Variants in ARHGEF10L observed in about 807,000 individuals in gnomAD.
ARHGEF10L encodes the protein Rho guanine nucleotide exchange factor 10 like, also known as rho guanine nucleotide exchange factor 10-like protein.
ARHGEF10L carries 69 observed loss-of-function variants against 141.2 expected under a neutral mutation model. The observed-to-expected ratio is 0.49, with a 90% CI of 0.40 to 0.60. The LOEUF (loss-of-function observed/expected upper bound fraction) is 0.60. Among genes scored for constraint, ARHGEF10L ranks in the 20% least tolerant of loss-of-function variants. The pLI, the probability that ARHGEF10L is intolerant of heterozygous loss-of-function variation, is 0.00. For synonymous variants in ARHGEF10L, 711 were observed against 718.5 expected (o/e 0.99, Z 0.17); for missense variants, 1,482 against 1,734.3 (o/e 0.85, Z 2.58).
intron 27 of ARHGEF10L, among the ~76,000 whole-genome samples, chr1:17,689,485 T>TCCCTCTCTCCCTCCCTGCCTCCCTCC (rs1314553452): frequency 1.3e-3 from 1 of 776 alleles, no homozygotes; most frequent in African/African-American, 7.1e-3. Context: ...CTCCTTCCCC[T>TCCCTCTCTCCCTCCCTGCCTCCCTCC]ACCTCCCTCT....
At chr1:17,689,331 G>A (rs1206832955) in intron 27 of ARHGEF10L, among the ~76,000 whole-genome samples, 2 of 151,872 alleles carry the variant, frequency 1.3e-5, no homozygotes, top group African/African-American at 4.8e-5. Context: ...CTGGTGGGCT[G>A]GGAAGGTGGC....
chr1:17,696,820 C>G (rs774206561), intron 28 of ARHGEF10L, 28 bp from the exon 29 acceptor site: 2 of 1,514,374 alleles, frequency 1.3e-6, no homozygotes, highest in Non-Finnish European at 1.8e-6. Context: ...CCTTTGGGCC[C>G]CTTTCTCTCT....
chr1:17,607,950 C>T lies in ARHGEF10L; in HGVS notation c.582C>T (p.Ala194=). Residue 194 remains alanine, a synonymous_variant, in exon 7 of 29, where the codon GCC becomes GCT. Transcript: ENST00000361221. This position sits in a 1 kb window ranked among gnomAD's most constrained non-coding sequence, Gnocchi z 4.5. ...AGCCGGAGGTCGAGGTCGAGCCCGCCAAGCACCGAGTGTCCTTCCAGCCCA... is the reference window on the plus strand; with the variant it reads ...AGCCGGAGGTCGAGGTCGAGCCCGCTAAGCACCGAGTGTCCTTCCAGCCCA... ...EAKPEVEVEP[A]KHRVSFQPKL... is the part of the protein sequence containing the mutation. The T allele has an allele frequency of 6.8e-7, 1 of 1,468,544 alleles. No individual in the cohort carries two copies. Among genetic ancestry groups the T allele is most frequent in the South Asian group, 1.3e-5 (1 of 75,136 alleles). 91.0% of individuals were successfully genotyped at this position (1,468,544 alleles called of 1,614,324 possible).
intron 25 of ARHGEF10L, among the ~76,000 whole-genome samples, chr1:17,662,707 G>A (rs2062706644): frequency 6.6e-6 from 1 of 152,060 alleles, no homozygotes; most frequent in African/African-American, 2.4e-5. Flanking sequence ...AGGATGGGGA[G>A]GGGGTGGGAG....
chr1:17,580,808 A>C (rs1291360734), intron 2 of ARHGEF10L, among the ~76,000 whole-genome samples, 176 bp downstream of exon 2: 2 of 152,172 alleles, frequency 1.3e-5, no homozygotes, highest in African/African-American at 2.4e-5. Flanking sequence ...ACAAAATAGA[A>C]GTAACTTTCT....
At chr1:17,693,903 G>A (rs2065290323) in intron 27 of ARHGEF10L, 1 of 152,234 alleles carries the variant, frequency 6.6e-6, no homozygotes, top group African/African-American at 2.4e-5. Flanking sequence ...TGAAGCCTAA[G>A]GAAGTGTGGC....
chr1:17,530,948 T>C, the ARHGEF10L span, among the ~76,000 whole-genome samples: 2 of 151,264 alleles, frequency 1.3e-5, no homozygotes, highest in Admixed American at 6.6e-5. Flanking sequence ...GAGGTTGCAA[T>C]GAGCCGAGAT....
At chr1:17,586,070 G>A (rs1340729617) in intron 2 of ARHGEF10L, among the ~76,000 whole-genome samples, 1 of 152,168 alleles carries the variant, frequency 6.6e-6, no homozygotes, top group East Asian at 1.9e-4. Flanking sequence ...GGGCCTGTAG[G>A]GTGTAGAAGC....
chr1:17,559,727 A>T (rs912477095), intron 1 of ARHGEF10L, among the ~76,000 whole-genome samples: 6 of 152,240 alleles, frequency 3.9e-5, no homozygotes, highest in Non-Finnish European at 7.4e-5. Context: ...AAGGAAAGGG[A>T]CCGTCATGTG....
intron 1 of ARHGEF10L, among the ~76,000 whole-genome samples, chr1:17,567,067 G>A (rs530985776): frequency 4.5e-4 from 69 of 152,224 alleles, no homozygotes; most frequent in Non-Finnish European, 7.2e-4. Flanking sequence ...GTGTCCCCGT[G>A]TCCCTGTCCT....
chr1:17,697,735 T>C lies in ARHGEF10L; in HGVS notation c.*355T>C. ...CTGGAAGGGTGTGTGCGTGTGAGTG[T>C]GTGCGAGTGTGTGGGCTGGTGTGTG... On this transcript the variant is annotated 3_prime_UTR_variant, in exon 29 of 29. Coordinates refer to ENST00000361221, the MANE Select transcript of ARHGEF10L (RefSeq NM_018125.4). This position sits in a 1 kb window ranked among gnomAD's most constrained non-coding sequence, Gnocchi z 4.8. 2 of 494,796 alleles carry C rather than the reference T, an allele frequency of 4.0e-6. No homozygotes were observed. Among genetic ancestry groups the C allele is most frequent in the Non-Finnish European group, 7.9e-6 (2 of 253,816 alleles). 30.7% of individuals were successfully genotyped at this position (494,796 alleles called of 1,614,324 possible). A position where few individuals can be genotyped will look rare whatever the true frequency, so the allele number is the denominator to read the frequency against.
rs185941576 is a variant in ARHGEF10L, at chr1:17,599,862, A to G, written c.258-2265A>G. Among the ~76,000 whole-genome samples the G allele has an allele frequency of 1.9e-3, 283 of 152,326 alleles. 3 individuals carry two copies. The highest frequency in any genetic ancestry group is 6.6e-3 in the African/African-American group (274 of 41,570). On this transcript the variant is annotated intron_variant, in intron 4 of 28. Transcript: ENST00000361221. ...CAGTGGCCACTAGTCATGTGTAGCT[A>G]TTTAAAATTAAATTACTTGAAATCA...
chr1:17,655,888 G>C lies in ARHGEF10L; in HGVS notation c.2491G>C (p.Gly831Arg), dbSNP rs1013769138. The C allele has an allele frequency of 6.4e-7, 1 of 1,554,168 alleles. No homozygotes were observed. Among genetic ancestry groups the C allele is most frequent in the African/African-American group, 1.4e-5 (1 of 73,642 alleles). ...GGGTCTCTGCTCCCAGGTCGGGGGC[G>C]GACAGGAAGGCGCAGGGGGCCAGGT... ...LPQGYLWVGG[G>R]QEGAGGQVEI... The change falls in exon 24 of 29, where the codon GGA becomes CGA. Residue 831 changes from glycine to arginine, a missense_variant. Coordinates refer to ENST00000361221, the MANE Select transcript of ARHGEF10L (RefSeq NM_018125.4).
chr1:17,673,708 G>T lies in ARHGEF10L; in HGVS notation c.3009+9113G>T, dbSNP rs1360776688. Among the ~76,000 whole-genome samples the T allele has an allele frequency of 6.6e-6, 1 of 152,178 alleles. No homozygotes were observed. Among genetic ancestry groups the T allele is most frequent in the Non-Finnish European group, 1.5e-5 (1 of 68,030 alleles). ...ATGCCTTGTCTGAGTGGGCTTGGAT[G>T]GTGGTCAGTGTGGGCTCAGGGGCTG... On this transcript the variant is annotated intron_variant, in intron 26 of 28. Coordinates refer to ENST00000361221, the MANE Select transcript of ARHGEF10L (RefSeq NM_018125.4). The surrounding 1 kb of genome is among the most constrained non-coding windows in gnomAD (Gnocchi z 4.1).
In ARHGEF10L at chr1:17,664,487, G is replaced by A; in HGVS notation, c.2901G>A (p.Leu967=). Residue 967 remains leucine (L), a synonymous_variant, in exon 26 of 29, where the codon CTG becomes CTA. Transcript: ENST00000361221. ...LWDLESPPVC[L]TVGPGPVRTL... is the part of the protein sequence containing the mutation. ...ACCTGGAGAGCCCTCCCGTGTGCCT[G>A]ACTGTGGGGCCCGGGCCTGTCCGCA... 1 of 1,607,222 alleles carries A rather than the reference G, an allele frequency of 6.2e-7. No individual in the cohort carries two copies. The highest frequency in any genetic ancestry group is 8.5e-7 in the Non-Finnish European group (1 of 1,179,822).
chr1:17,533,754 T>A, the ARHGEF10L span, among the ~76,000 whole-genome samples: 442 of 152,296 alleles, frequency 2.9e-3, 5 homozygotes, highest in African/African-American at 0.01. Flanking sequence ...AAGGAGGGTT[T>A]CATCTTGATG....
At position 17,627,466 on chromosome 1, in the gene ARHGEF10L, T is replaced by C. The variant is rs754179355; in HGVS notation, c.1547T>C (p.Leu516Pro). The C allele has an allele frequency of 1.9e-6, 3 of 1,612,836 alleles. No individual in the cohort carries two copies. In the African/African-American group the frequency reaches 4.0e-5, roughly 22 times the overall value. Residue 516 changes from leucine (L) to proline (P), a missense_variant, in exon 15 of 29, where the codon CTG (leucine) becomes CCG (proline). Physicochemically the swap from Leu to Pro is moderately conservative, Grantham distance 98. Coordinates refer to ENST00000361221, the MANE Select transcript of ARHGEF10L (RefSeq NM_018125.4). The surrounding 1 kb of genome is among the most constrained non-coding windows in gnomAD (Gnocchi z 4.0). The part of the protein sequence containing the change: ...LADQVAEIQQ[L>P]TKSVSDRSSL... Reference sequence around the variant, plus strand: ...GACCAGGTGGCTGAGATCCAGCAGCTGACCAAGAGCGTCAGTGACCGCAGC... The same window carrying C: ...GACCAGGTGGCTGAGATCCAGCAGCCGACCAAGAGCGTCAGTGACCGCAGC...
Position 17,619,787 on chromosome 1 carries a change from G to T in ARHGEF10L, c.942+342G>T, listed in dbSNP as rs942276539. Among the ~76,000 whole-genome samples, 1 of 152,144 alleles carries T rather than the reference G, an allele frequency of 6.6e-6. No homozygotes were observed. Among genetic ancestry groups the T allele is most frequent in the Non-Finnish European group, 1.5e-5 (1 of 68,030 alleles). Reference sequence around the variant, plus strand: ...AGAATGAGATGGGATCCAGACTCAGGTGAGGCTGCAGGTGTGTAGGTGCCC... The same window carrying T: ...AGAATGAGATGGGATCCAGACTCAGTTGAGGCTGCAGGTGTGTAGGTGCCC... On this transcript the variant is annotated intron_variant, in intron 10 of 28. Transcript: ENST00000361221. The surrounding 1 kb of genome is among the most constrained non-coding windows in gnomAD (Gnocchi z 5.0).
At chr1:17,685,997 G>C (rs1569689063) in intron 26 of ARHGEF10L, among the ~76,000 whole-genome samples, 1 of 152,136 alleles carries the variant, frequency 6.6e-6, no homozygotes, top group South Asian at 2.1e-4. Flanking sequence ...CCTGCTCCTG[G>C]AGTAAGCCTC....
Sources: gnomAD v4.1 joint callset for allele counts (sites outside exome capture counted in the v4.1 genomes callset) on GRCh38, gnomAD v4.1.1 for gene constraint, Gnocchi (gnomAD v3.1) non-coding constraint, MANE v1.5 for transcripts, NCBI Gene and HGNC (gene_info 2026-07-23, HGNC 2026-07-21) for gene names.